TACC2: variants seen among roughly 807,000 people sequenced by gnomAD.
The protein encoded by TACC2 is transforming acidic coiled-coil-containing protein 2.
In TACC2, 137 loss-of-function variants were observed where a neutral mutation model predicts 227.3. That is an observed-to-expected ratio of 0.60 (90% CI 0.52 to 0.69). The LOEUF (loss-of-function observed/expected upper bound fraction) is 0.69. TACC2 is among the 30% of genes least tolerant of loss of function. The pLI is 0.00. For synonymous variants in TACC2, 1,523 were observed against 1,487.5 expected, an observed-to-expected ratio of 1.02 and a Z score of -0.55; for missense variants, 3,470 against 3,694.4, an observed-to-expected ratio of 0.94 and a Z score of 1.57.
At chr10:121,999,016 T>TC (rs1447243265) in intron 1 of TACC2, among the ~76,000 whole-genome samples, 1 of 151,410 alleles carries the variant, frequency 6.6e-6, no homozygotes, top group Non-Finnish European at 1.5e-5. Context: ...TTCTTTCTTT[T>TC]TTTTTTTTTT....
At chr10:122,048,780 C>T (rs1273914327) in intron 2 of TACC2, among the ~76,000 whole-genome samples, 1 of 152,134 alleles carries the variant, frequency 6.6e-6, no homozygotes, top group African/African-American at 2.4e-5. Flanking sequence ...GTCTGTCGTA[C>T]AGATTTGCAC....
intron 4 of TACC2, 110 bp from the exon 5 acceptor site, chr10:122,088,368 T>C (rs2137198547): frequency 1.0e-6 from 1 of 990,010 alleles, no homozygotes; most frequent in East Asian, 2.7e-5. Context: ...TTTTTTTTTG[T>C]AGTAGCCACT....
Position 122,210,566 on chromosome 10 carries a change from T to C in TACC2, c.6141T>C (p.Asp2047=). The part of the protein sequence containing the change: ...NLDFDNIELV[D]TFQTLEPRAS... Reference sequence around the variant, plus strand: ...ACTTTGACAACATTGAGCTTGTGGATACCTTTCAGACCTTGGAGCCTCGTG... The same window carrying C: ...ACTTTGACAACATTGAGCTTGTGGACACCTTTCAGACCTTGGAGCCTCGTG... Residue 2047 remains aspartate (D), a synonymous_variant, in exon 9 of 23, where the codon GAT becomes GAC. Coordinates refer to ENST00000369005, the MANE Select transcript of TACC2 (RefSeq NM_206862.4). The surrounding 1 kb of genome is among the most constrained non-coding windows in gnomAD (Gnocchi z 4.6). The C allele has an allele frequency of 6.2e-7, 1 of 1,614,126 alleles. No homozygotes were observed. Among genetic ancestry groups the C allele is most frequent in the African/African-American group, 1.3e-5 (1 of 75,038 alleles).
intron 1 of TACC2, among the ~76,000 whole-genome samples, chr10:122,002,128 G>T (rs2135102943): frequency 6.6e-6 from 1 of 152,288 alleles, no homozygotes; most frequent in East Asian, 1.9e-4. Flanking sequence ...TTTGCAGATG[G>T]CCACCTTCTT....
At position 122,211,520 on chromosome 10, in the gene TACC2, A is replaced by G; in HGVS notation, c.7095A>G (p.Gln2365=). 5 of 1,613,756 alleles carry G rather than the reference A, an allele frequency of 3.1e-6. No homozygotes were observed. The highest frequency in any genetic ancestry group is 4.2e-6 in the Non-Finnish European group (5 of 1,179,908). Reference sequence around the variant, plus strand: ...AGGAGTCTCCCAAACTGCCCCAACAATCATACAACTTTGACCCAGACACCT... The same window carrying G: ...AGGAGTCTCCCAAACTGCCCCAACAGTCATACAACTTTGACCCAGACACCT... ...KMQESPKLPQ[Q]SYNFDPDTCD... is the part of the protein sequence containing the mutation. Residue 2365 remains glutamine (Q), a synonymous_variant, in exon 9 of 23, where the codon CAA becomes CAG. Coordinates refer to ENST00000369005, the MANE Select transcript of TACC2 (RefSeq NM_206862.4).
Position 122,248,798 on chromosome 10 carries a change from C to T in TACC2, c.8548C>T (p.Arg2850Cys), listed in dbSNP as rs761622230. The change falls in exon 20 of 23, where the codon CGC becomes TGC. Residue 2850 changes from arginine to cysteine, a missense_variant. Physicochemically the swap from Arg to Cys is radical, Grantham distance 180. This residue lies in a region of TACC2 where 65 missense variants were observed against 119.3 expected (regional missense o/e 0.54). Transcript: ENST00000369005. ...EKMKEVLEGFRKNEEVLKRCA... is the reference protein window; with the variant it reads ...EKMKEVLEGFCKNEEVLKRCA... The stretch of plus-strand genomic sequence containing the variant: ...GATGAAGGAGGTCCTAGAAGGCTTC[C>T]GCAAGGTAGGGCTGAGTTTGGGGGC... The T allele has an allele frequency of 6.2e-6, 10 of 1,613,932 alleles. No homozygotes were observed. The highest frequency in any genetic ancestry group is 2.7e-5 in the African/African-American group (2 of 74,876).
At chr10:122,253,291 T>C (rs1391280999) in intron 22 of TACC2, among the ~76,000 whole-genome samples, 1 of 152,216 alleles carries the variant, frequency 6.6e-6, no homozygotes, top group African/African-American at 2.4e-5. Flanking sequence ...AGAGCCAGCA[T>C]GTAACCTATC....
intron 13 of TACC2, among the ~76,000 whole-genome samples, chr10:122,226,866 C>T (rs1387263399): frequency 6.6e-6 from 1 of 152,142 alleles, no homozygotes; most frequent in African/African-American, 2.4e-5. Flanking sequence ...TATAATCTCG[C>T]CCAGTGCACA....
rs2095660406 is a variant in TACC2, at chr10:122,227,960, G to A, written c.7848G>A (p.Lys2616=). The change falls in exon 14 of 23, where the codon AAG becomes AAA. Residue 2616 remains lysine, a synonymous_variant. Coordinates refer to ENST00000369005, the MANE Select transcript of TACC2 (RefSeq NM_206862.4). ...HLQVPEKSSQ[K]ELEAMGLGTP... ...AGGTGCCAGAGAAATCCTCCCAGAAGGAGCTGGAGGCCATGGGCTTGGGCA... is the reference window on the plus strand; with the variant it reads ...AGGTGCCAGAGAAATCCTCCCAGAAAGAGCTGGAGGCCATGGGCTTGGGCA... 1 of 1,614,074 alleles carries A rather than the reference G, an allele frequency of 6.2e-7. No individual in the cohort carries two copies. The highest frequency in any genetic ancestry group is 8.5e-7 in the Non-Finnish European group (1 of 1,180,036).
chr10:122,176,073 TTCTC>T (rs55655832), intron 7 of TACC2, among the ~76,000 whole-genome samples: 1,519 of 92,274 alleles, frequency 0.016, 11 homozygotes, highest in South Asian at 0.022. Context: ...GAGCAAAACC[TTCTC>T]TCTCTCTCTC....
In TACC2 at chr10:122,086,386, C is replaced by T; in HGVS notation, c.3886C>T (p.Gln1296Ter). The T allele has an allele frequency of 6.2e-7, 1 of 1,613,670 alleles. No homozygotes were observed. Among genetic ancestry groups the T allele is most frequent in the Non-Finnish European group, 8.5e-7 (1 of 1,180,008 alleles). ...LFAGSLAPLL[Q>*]PGAAGGEIPA... is the part of the protein sequence containing the mutation. ...TGCTGGCTCCCTCGCCCCCCTGTTG[C>T]AACCAGGAGCTGCAGGTGGGGAAAT... The change falls in exon 4 of 23, where the codon CAA becomes TAA. Residue 1296 changes from glutamine (Q) to a stop codon, truncating the protein, a stop_gained. Transcript: ENST00000369005. LOFTEE classifies it high-confidence loss of function.
At chr10:122,102,289 C>A (rs560248906) in intron 5 of TACC2, among the ~76,000 whole-genome samples, 1 of 152,100 alleles carries the variant, frequency 6.6e-6, no homozygotes, top group Non-Finnish European at 1.5e-5. Flanking sequence ...TTTCAAAGTT[C>A]GCCAGGTATT....
At chr10:122,095,107 C>T (rs180725375) in intron 5 of TACC2, among the ~76,000 whole-genome samples, 9 of 152,312 alleles carry the variant, frequency 5.9e-5, no homozygotes, top group African/African-American at 1.9e-4. Flanking sequence ...CAGAGACAGA[C>T]CTGGGTTTTG....
In TACC2 at chr10:122,150,684, G is replaced by C. The variant is rs2091946207; in HGVS notation, c.5834+6978G>C. On this transcript the variant is annotated intron_variant, in intron 7 of 22. Transcript: ENST00000369005. This position sits in a 1 kb window ranked among gnomAD's most constrained non-coding sequence, Gnocchi z 4.0. The stretch of plus-strand genomic sequence containing the variant: ...ATGGGATATGGTACGAGCATGTGCG[G>C]CTCAGGACCCCACCATGCCCGAGTG... Among the ~76,000 whole-genome samples, 1 of 152,184 alleles carries C rather than the reference G, an allele frequency of 6.6e-6. No individual in the cohort carries two copies. Among genetic ancestry groups the C allele is most frequent in the African/African-American group, 2.4e-5 (1 of 41,446 alleles).
chr10:122,093,668 T>G (rs2081070933), intron 5 of TACC2, among the ~76,000 whole-genome samples: 1 of 152,198 alleles, frequency 6.6e-6, no homozygotes, highest in Admixed American at 6.5e-5. Context: ...TTCGTTACCT[T>G]GGATAAGCTG....
At chr10:122,036,445 G>A (rs1960396355) in intron 2 of TACC2, among the ~76,000 whole-genome samples, 1 of 150,306 alleles carries the variant, frequency 6.7e-6, no homozygotes, top group African/African-American at 2.5e-5. Flanking sequence ...CGCCCACCTT[G>A]GCCTCGCAAA....
At chr10:122,072,676 C>T (rs572678524) in intron 3 of TACC2, among the ~76,000 whole-genome samples, 61 of 152,310 alleles carry the variant, frequency 4.0e-4, no homozygotes, top group African/African-American at 1.2e-3. Context: ...ATGCCTCCCA[C>T]GGTGCAGGTG....
chr10:122,002,825 T>C (rs1303034380), intron 1 of TACC2, among the ~76,000 whole-genome samples: 1 of 152,196 alleles, frequency 6.6e-6, no homozygotes, highest in African/African-American at 2.4e-5. Flanking sequence ...ATTTCCCTCT[T>C]GTAATTTTGT....
At chr10:122,103,703 C>T (rs1037902412) in intron 5 of TACC2, among the ~76,000 whole-genome samples, 5 of 152,124 alleles carry the variant, frequency 3.3e-5, no homozygotes, top group African/African-American at 1.2e-4. Flanking sequence ...AGATACTGTC[C>T]TGTGGGAGAA....
Sources: allele counts gnomAD v4.1 joint callset (sites outside exome capture counted in the v4.1 genomes callset), GRCh38; gene constraint gnomAD v4.1.1; regional missense constraint gnomAD v4.1.1; non-coding constraint Gnocchi (gnomAD v3.1); transcripts MANE v1.5; gene names NCBI Gene and HGNC (gene_info 2026-07-23, HGNC 2026-07-21).